The following HLCS variants were observed in gnomAD, a reference collection of about 807,000 sequenced individuals.
HLCS encodes holocarboxylase synthetase.
A neutral mutation model predicts 75.0 loss-of-function variants in HLCS; 53 were observed. The ratio of observed to expected loss-of-function variants is 0.71; its 90% CI spans 0.57 to 0.89. The LOEUF is 0.89. Among genes scored for constraint, HLCS ranks in the 40% least tolerant of loss-of-function variants. The probability of loss-of-function intolerance (pLI) is 0.00; values close to 1 mark genes in which losing one functional copy is unlikely to be tolerated. For synonymous variants in HLCS, 431 were observed against 428.6 expected (o/e 1.01, Z -0.07); for missense variants, 966 against 1,074.0 (o/e 0.90, Z 1.41).
chr21:36,962,845 C>A (rs1263441659), intron 1 of HLCS, among the ~76,000 whole-genome samples: 1 of 150,506 alleles, frequency 6.6e-6, no homozygotes, highest in Non-Finnish European at 1.5e-5. Flanking sequence ...ACGTACCCAC[C>A]AACAGAAGCT....
intron 6 of HLCS, among the ~76,000 whole-genome samples, chr21:36,880,263 C>A (rs1257277410): frequency 1.3e-5 from 2 of 152,010 alleles, no homozygotes; most frequent in Non-Finnish European, 2.9e-5. Flanking sequence ...GGCCTCTTAG[C>A]AGTTAGGAAA....
chr21:36,929,117 AAC>A (rs1323679741), intron 5 of HLCS, among the ~76,000 whole-genome samples: 3 of 152,250 alleles, frequency 2.0e-5, no homozygotes, highest in Non-Finnish European at 4.4e-5. Context: ...ACAAGAGAAT[AAC>A]CTGGGGCAGG....
chr21:36,784,599 AGCCACCATGCCCGGCC>A (rs2060633348), intron 6 of HLCS, among the ~76,000 whole-genome samples: 1 of 152,128 alleles, frequency 6.6e-6, no homozygotes, highest in African/African-American at 2.4e-5. Flanking sequence ...TACAGGCGTG[AGCCACCATGCCCGGCC>A]GGCCAGCCTC....
At chr21:36,821,264 G>A (rs555886706) in intron 6 of HLCS, among the ~76,000 whole-genome samples, 6 of 152,272 alleles carry the variant, frequency 3.9e-5, no homozygotes, top group Admixed American at 3.9e-4. Flanking sequence ...CGTGCCTTGG[G>A]CAGATCTGCC....
intron 1 of HLCS, among the ~76,000 whole-genome samples, chr21:36,975,373 C>G (rs935307189): frequency 6.6e-6 from 1 of 152,100 alleles, no homozygotes; most frequent in African/African-American, 2.4e-5. Context: ...CTCACCAGAA[C>G]AGGCACTAGC....
chr21:36,885,743 GC>G (rs1323450565), intron 6 of HLCS, among the ~76,000 whole-genome samples: 1 of 152,100 alleles, frequency 6.6e-6, no homozygotes, highest in African/African-American at 2.4e-5. Flanking sequence ...CTGAAGGAGG[GC>G]CCCACATCTT....
At chr21:36,912,097 G>C (rs1316871205) in intron 5 of HLCS, among the ~76,000 whole-genome samples, 2 of 150,414 alleles carry the variant, frequency 1.3e-5, no homozygotes, top group African/African-American at 2.5e-5. Flanking sequence ...AAATTAAACA[G>C]AGAATTAATA....
At chr21:36,827,246 G>A (rs1262148570) in intron 6 of HLCS, among the ~76,000 whole-genome samples, 2 of 152,064 alleles carry the variant, frequency 1.3e-5, no homozygotes, top group Admixed American at 6.6e-5. Context: ...GTTCTTCAGC[G>A]AGCATACTCA....
intron 6 of HLCS, among the ~76,000 whole-genome samples, chr21:36,795,976 TA>T (rs987668971): frequency 4.4e-4 from 67 of 152,344 alleles, no homozygotes; most frequent in African/African-American, 1.4e-3. Context: ...GACAAGGTTT[TA>T]AAAAAATATT....
At chr21:36,836,401 C>T (rs546526764) in intron 6 of HLCS, among the ~76,000 whole-genome samples, 14 of 151,666 alleles carry the variant, frequency 9.2e-5, no homozygotes, top group African/African-American at 3.4e-4. Context: ...CATGCTGGTG[C>T]GCTGCACCCA....
At chr21:36,956,398 C>T (rs1160321521) in intron 2 of HLCS, among the ~76,000 whole-genome samples, 1 of 152,144 alleles carries the variant, frequency 6.6e-6, no homozygotes, top group African/African-American at 2.4e-5. Context: ...ATTCTGTGTA[C>T]CTAGAGTCCT....
At chr21:36,932,712 C>T (rs1215337409) in intron 4 of HLCS, among the ~76,000 whole-genome samples, 1 of 152,164 alleles carries the variant, frequency 6.6e-6, no homozygotes, top group Admixed American at 6.5e-5. Flanking sequence ...AAGCTTCTAG[C>T]CTGATATTAT....
At chr21:36,781,568 A>G (rs915989304) in intron 6 of HLCS, among the ~76,000 whole-genome samples, 6 of 152,140 alleles carry the variant, frequency 3.9e-5, no homozygotes, top group Non-Finnish European at 8.8e-5. Context: ...TGATTTCTGT[A>G]TAATAATTTT....
Position 36,862,160 on chromosome 21 carries a change from T to C in HLCS, c.1892+34700A>G, listed in dbSNP as rs555208986. On this transcript the variant is annotated intron_variant, in intron 6 of 10. Transcript: ENST00000674895. ...TTTATGGCTCAATAATATTCCATCA[T>C]ATGACTAGACATTTTATTTATCCAT... 7.2e-5 allele frequency among the ~76,000 whole-genome samples: 11 copies of C among 152,378 alleles called. 1 individual carries two copies. In the South Asian group the frequency reaches 2.3e-3, roughly 32 times the overall value.
chr21:36,823,529 T>C (rs920127200), intron 6 of HLCS, among the ~76,000 whole-genome samples: 8 of 152,272 alleles, frequency 5.3e-5, no homozygotes, highest in African/African-American at 1.9e-4. Flanking sequence ...CCATGTACTC[T>C]GCATTCACAA....
chr21:36,921,685 C>A (rs1489250942), intron 5 of HLCS, among the ~76,000 whole-genome samples: 1 of 152,180 alleles, frequency 6.6e-6, no homozygotes, highest in Non-Finnish European at 1.5e-5. Context: ...GAATCTGAAT[C>A]TCAGCCTCGG....
intron 1 of HLCS, among the ~76,000 whole-genome samples, chr21:36,973,227 C>CT (rs11327894): frequency 0.019 from 1,706 of 91,048 alleles, 51 homozygotes; most frequent in African/African-American, 0.057. Context: ...AAGACCCTGT[C>CT]TTTTTTTTTT....
chr21:36,844,675 G>C (rs2146109976), intron 6 of HLCS, among the ~76,000 whole-genome samples: 1 of 151,800 alleles, frequency 6.6e-6, no homozygotes, highest in Admixed American at 6.6e-5. Context: ...TAACAATTCA[G>C]TATGGAGAAC....
chr21:36,798,277 C>T (rs2061090236), intron 6 of HLCS, among the ~76,000 whole-genome samples: 1 of 152,102 alleles, frequency 6.6e-6, no homozygotes, highest in African/African-American at 2.4e-5. Context: ...GAGGTGAGGA[C>T]TATGAATTTT....
Sources: gnomAD v4.1 joint callset for allele counts (sites outside exome capture counted in the v4.1 genomes callset) on GRCh38, gnomAD v4.1.1 for gene constraint, MANE v1.5 for transcripts, NCBI Gene and HGNC (gene_info 2026-07-23, HGNC 2026-07-21) for gene names.